The following NKAIN3 variants were observed in gnomAD, a reference collection of about 807,000 sequenced individuals.
The protein encoded by NKAIN3 is sodium/potassium transporting ATPase interacting 3.
In NKAIN3, 25 loss-of-function variants were observed where a neutral mutation model predicts 30.2. The ratio of observed to expected loss-of-function variants is 0.83; its 90% confidence interval spans 0.60 to 1.16. NKAIN3 has a LOEUF of 1.16. NKAIN3 is among the 50% of genes most tolerant of loss of function. The pLI is 0.00. For synonymous variants in NKAIN3, 91 were observed against 89.6 expected, an observed-to-expected ratio of 1.02 and a Z score of -0.09; for missense variants, 225 against 254.1, an observed-to-expected ratio of 0.89 and a Z score of 0.78.
intron 4 of NKAIN3, among the ~76,000 whole-genome samples, chr8:62,915,482 C>T (rs140125310): frequency 2.0e-5 from 3 of 152,270 alleles, no homozygotes; most frequent in African/African-American, 4.8e-5. Flanking sequence ...TCCAGGAGTA[C>T]AGCCCTGCTG....
At chr8:62,735,687 C>T (rs1293528035) in intron 3 of NKAIN3, among the ~76,000 whole-genome samples, 2 of 152,066 alleles carry the variant, frequency 1.3e-5, no homozygotes, top group Non-Finnish European at 2.9e-5. Flanking sequence ...TGAACGAGTG[C>T]GATCTTTTGG....
chr8:62,529,412 A>T (rs1808418340), intron 1 of NKAIN3, among the ~76,000 whole-genome samples: 1 of 152,166 alleles, frequency 6.6e-6, no homozygotes, highest in Non-Finnish European at 1.5e-5. Context: ...ACAACAAAAA[A>T]TTCAGACATT....
chr8:62,728,661 G>A (rs1436799769), intron 3 of NKAIN3, among the ~76,000 whole-genome samples: 2 of 146,316 alleles, frequency 1.4e-5, no homozygotes, highest in Admixed American at 7.0e-5. Context: ...ACGAAACTTC[G>A]TCTCAAAAAA....
At position 62,973,085 on chromosome 8, in the gene NKAIN3, G is replaced by A. The variant is rs996242016; in HGVS notation, c.*7678G>A. On this transcript the variant is annotated 3_prime_UTR_variant, in exon 7 of 7. Coordinates refer to ENST00000623646, the MANE Select transcript of NKAIN3 (RefSeq NM_001304533.3). Reference sequence around the variant, plus strand: ...CCGTTCTAACATTGATGGGCATTTGGGTTGGTTCCAAGTCTTTGCTATTGT... The same window carrying A: ...CCGTTCTAACATTGATGGGCATTTGAGTTGGTTCCAAGTCTTTGCTATTGT... Among the ~76,000 whole-genome samples, 1 of 152,134 alleles carries A rather than the reference G, an allele frequency of 6.6e-6. No individual in the cohort carries two copies. Among genetic ancestry groups the A allele is most frequent in the East Asian group, 1.9e-4 (1 of 5,190 alleles).
At chr8:62,882,450 T>C (rs923787356) in intron 4 of NKAIN3, among the ~76,000 whole-genome samples, 1 of 152,148 alleles carries the variant, frequency 6.6e-6, no homozygotes, top group Non-Finnish European at 1.5e-5. Flanking sequence ...CCCTAGTAGC[T>C]AGCATTATAG....
intron 3 of NKAIN3, among the ~76,000 whole-genome samples, chr8:62,722,342 C>T (rs1815119153): frequency 6.6e-6 from 1 of 152,148 alleles, no homozygotes; most frequent in Non-Finnish European, 1.5e-5. Flanking sequence ...TGGAAGCCCT[C>T]TGGGCTCCTT....
chr8:62,786,110 G>C (rs1817509270), intron 4 of NKAIN3, among the ~76,000 whole-genome samples: 2 of 152,004 alleles, frequency 1.3e-5, no homozygotes, highest in Admixed American at 1.3e-4. Flanking sequence ...CTCAATTCAA[G>C]TGCTCCCAAC....
chr8:62,652,144 G>C (rs527891627), intron 3 of NKAIN3, among the ~76,000 whole-genome samples: 3 of 152,112 alleles, frequency 2.0e-5, no homozygotes, highest in African/African-American at 7.2e-5. Context: ...AGCTCCCAAG[G>C]CCCCACTTCC....
At chr8:62,532,413 G>GGC (rs1808516403) in intron 1 of NKAIN3, among the ~76,000 whole-genome samples, 1 of 151,762 alleles carries the variant, frequency 6.6e-6, no homozygotes, top group South Asian at 2.1e-4. Context: ...TTGTCCTGAA[G>GGC]CCCTGGCTGC....
intron 4 of NKAIN3, among the ~76,000 whole-genome samples, chr8:62,804,966 A>C (rs2130702163): frequency 6.6e-6 from 1 of 152,350 alleles, no homozygotes; most frequent in East Asian, 1.9e-4. Flanking sequence ...CAGGATACAA[A>C]ATAAATGTAC....
At chr8:62,296,915 C>T (rs73683086) in intron 1 of NKAIN3, among the ~76,000 whole-genome samples, 5,340 of 152,198 alleles carry the variant, frequency 0.035, 338 homozygotes, top group African/African-American at 0.12. Context: ...TGGTGCTTGT[C>T]TCCACCCATT....
chr8:62,293,271 T>G (rs1813713932), intron 1 of NKAIN3, among the ~76,000 whole-genome samples: 1 of 152,266 alleles, frequency 6.6e-6, no homozygotes, highest in Admixed American at 6.5e-5. Context: ...TTTGTTCCGT[T>G]GCTGGCGAGG....
intron 1 of NKAIN3, among the ~76,000 whole-genome samples, chr8:62,397,842 AAG>A (rs1224924544): frequency 1.3e-5 from 2 of 152,134 alleles, no homozygotes; most frequent in Non-Finnish European, 2.9e-5. Context: ...AGGGAGCAGA[AAG>A]AGTTTGGATG....
intron 4 of NKAIN3, among the ~76,000 whole-genome samples, chr8:62,911,759 C>T (rs1032849879): frequency 6.6e-6 from 1 of 151,978 alleles, no homozygotes; most frequent in Admixed American, 6.6e-5. Flanking sequence ...AGTAAGTTCT[C>T]CAAAGTAATG....
chr8:62,421,181 G>T (rs1462394862), intron 1 of NKAIN3, among the ~76,000 whole-genome samples: 1 of 152,116 alleles, frequency 6.6e-6, no homozygotes, highest in Non-Finnish European at 1.5e-5. Context: ...CCAGCTACTT[G>T]GCCCTAAGCA....
At chr8:62,528,586 G>A (rs1808391149) in intron 1 of NKAIN3, among the ~76,000 whole-genome samples, 1 of 151,752 alleles carries the variant, frequency 6.6e-6, no homozygotes, top group Non-Finnish European at 1.5e-5. Context: ...AGCTCTTAGA[G>A]CTATAGGTAG....
intron 1 of NKAIN3, among the ~76,000 whole-genome samples, chr8:62,415,548 C>T (rs1233625111): frequency 2.0e-5 from 3 of 150,344 alleles, no homozygotes; most frequent in Non-Finnish European, 4.4e-5. Context: ...TGCATATAGA[C>T]TCCACTCTTT....
intron 3 of NKAIN3, among the ~76,000 whole-genome samples, chr8:62,616,962 A>T (rs780924872): frequency 1.3e-5 from 2 of 152,162 alleles, no homozygotes; most frequent in Non-Finnish European, 2.9e-5. Flanking sequence ...GCACCATCAC[A>T]TTGGTGATGT....
At chr8:62,389,666 G>A (rs1194371694) in intron 1 of NKAIN3, among the ~76,000 whole-genome samples, 2 of 152,288 alleles carry the variant, frequency 1.3e-5, no homozygotes, top group South Asian at 2.1e-4. Flanking sequence ...GGGTATAGGA[G>A]TACATACAGG....
Sources: allele counts gnomAD v4.1 joint callset (sites outside exome capture counted in the v4.1 genomes callset), GRCh38; gene constraint gnomAD v4.1.1; transcripts MANE v1.5; gene names NCBI Gene and HGNC (gene_info 2026-07-23, HGNC 2026-07-21).